NFIB: variants seen among roughly 807,000 people sequenced by gnomAD.
NFIB encodes the protein nuclear factor 1 B-type.
NFIB carries 11 observed loss-of-function variants against 61.5 expected under a neutral mutation model. That is an observed-to-expected ratio of 0.18 (90% CI 0.11 to 0.30). The LOEUF (loss-of-function observed/expected upper bound fraction) is 0.30, where lower values mean the gene tolerates loss of function less well. Ranked by LOEUF, NFIB falls within the 10% of genes least tolerant of loss-of-function variation. The pLI, the probability that NFIB is intolerant of heterozygous loss-of-function variation, is 1.00. For missense variants in NFIB, 471 were observed against 608.9 expected, an observed-to-expected ratio of 0.77 and a Z score of 2.38; for synonymous variants, 260 against 216.5, an observed-to-expected ratio of 1.20 and a Z score of -1.76.
At chr9:14,452,297 C>G in the NFIB span, among the ~76,000 whole-genome samples, 1 of 150,540 alleles carries the variant, frequency 6.6e-6, no homozygotes, top group Non-Finnish European at 1.5e-5. Context: ...TTCATTGTAT[C>G]CATGATATTT....
the NFIB span, among the ~76,000 whole-genome samples, chr9:14,492,338 G>A: frequency 1.3e-5 from 2 of 151,700 alleles, no homozygotes; most frequent in African/African-American, 4.8e-5. Flanking sequence ...ACTCCAGCCT[G>A]GGTGACAGAG....
At chr9:14,210,779 A>C (rs1386761781) in intron 2 of NFIB, among the ~76,000 whole-genome samples, 1 of 152,178 alleles carries the variant, frequency 6.6e-6, no homozygotes, top group African/African-American at 2.4e-5. Flanking sequence ...AAAAAACAGA[A>C]AGAAAATTTT....
At chr9:14,160,170 G>A (rs993564225) in intron 3 of NFIB, among the ~76,000 whole-genome samples, 3 of 152,256 alleles carry the variant, frequency 2.0e-5, no homozygotes, top group Non-Finnish European at 4.4e-5. Context: ...AAACTGAAAA[G>A]TCTCAAAGGC....
At chr9:14,237,813 TGTA>T (rs2053918178) in intron 2 of NFIB, among the ~76,000 whole-genome samples, 1 of 82,422 alleles carries the variant, frequency 1.2e-5, no homozygotes, top group Non-Finnish European at 2.9e-5. Flanking sequence ...TGTGTGTGTG[TGTA>T]AGCTCCTCAC....
the NFIB span, among the ~76,000 whole-genome samples, chr9:14,429,197 A>T: frequency 6.6e-6 from 1 of 152,232 alleles, no homozygotes; most frequent in Non-Finnish European, 1.5e-5. Context: ...AAGTCCGTAC[A>T]AAGAACATAG....
chr9:14,240,389 AT>A (rs2054231577), intron 2 of NFIB, among the ~76,000 whole-genome samples: 1 of 152,152 alleles, frequency 6.6e-6, no homozygotes, highest in Admixed American at 6.6e-5. Context: ...TTTGAAGCAT[AT>A]GGCTGGGGAG....
At chr9:14,166,949 G>A (rs2044870272) in intron 3 of NFIB, among the ~76,000 whole-genome samples, 1 of 151,952 alleles carries the variant, frequency 6.6e-6, no homozygotes, top group African/African-American at 2.4e-5. Flanking sequence ...TAAGTCTTCT[G>A]GGTAAACATT....
At chr9:14,323,765 C>T (rs2060715491) in intron 1 of NFIB, among the ~76,000 whole-genome samples, 1 of 152,168 alleles carries the variant, frequency 6.6e-6, no homozygotes, top group Admixed American at 6.5e-5. Flanking sequence ...TGTTCGGGTT[C>T]ATACCTCCTA....
the NFIB span, among the ~76,000 whole-genome samples, chr9:14,407,770 T>C: frequency 6.6e-6 from 1 of 152,118 alleles, no homozygotes; most frequent in Non-Finnish European, 1.5e-5. Flanking sequence ...CACTGTAACT[T>C]AAACTCCTGG....
intron 2 of NFIB, among the ~76,000 whole-genome samples, chr9:14,269,869 T>C (rs927246004): frequency 3.3e-5 from 5 of 152,196 alleles, no homozygotes; most frequent in Admixed American, 6.5e-5. Context: ...TCAGAACTCA[T>C]AATTTTTACT....
the NFIB span, among the ~76,000 whole-genome samples, chr9:14,439,627 G>A: frequency 6.6e-6 from 1 of 152,160 alleles, no homozygotes; most frequent in Admixed American, 6.5e-5. Flanking sequence ...AGGAGAGCTG[G>A]CACATGCTGA....
chr9:14,389,956 G>A (rs574948294), intron 1 of NFIB, among the ~76,000 whole-genome samples: 75 of 152,228 alleles, frequency 4.9e-4, no homozygotes, highest in Non-Finnish European at 8.8e-4. Context: ...CTCAAAACAC[G>A]GAAAAATCGC....
chr9:14,451,778 G>A, the NFIB span, among the ~76,000 whole-genome samples: 4 of 152,106 alleles, frequency 2.6e-5, no homozygotes, highest in Admixed American at 6.6e-5. Context: ...AAGGCAGCTT[G>A]AGTTTCCCAC....
At chr9:14,244,609 G>C (rs1294721063) in intron 2 of NFIB, among the ~76,000 whole-genome samples, 1 of 152,080 alleles carries the variant, frequency 6.6e-6, no homozygotes, top group Non-Finnish European at 1.5e-5. Context: ...GCATATCAAA[G>C]TTCACAAACC....
intron 2 of NFIB, among the ~76,000 whole-genome samples, chr9:14,260,237 GA>G (rs1218480188): frequency 2.0e-5 from 3 of 152,154 alleles, no homozygotes; most frequent in Non-Finnish European, 4.4e-5. Flanking sequence ...GGAGTTCTGA[GA>G]CAGCCTCTGG....
chr9:14,500,937 A>T, the NFIB span, among the ~76,000 whole-genome samples: 1 of 152,212 alleles, frequency 6.6e-6, no homozygotes, highest in Non-Finnish European at 1.5e-5. Context: ...TCTCAAAAGA[A>T]GCGAGAAATT....
At chr9:14,273,146 G>T (rs1443439625) in intron 2 of NFIB, among the ~76,000 whole-genome samples, 2 of 152,144 alleles carry the variant, frequency 1.3e-5, no homozygotes, top group African/African-American at 4.8e-5. Context: ...GGGAAAACAT[G>T]TTCCCAGTTT....
chr9:14,254,344 A>G (rs1218605807), intron 2 of NFIB, among the ~76,000 whole-genome samples: 3 of 152,030 alleles, frequency 2.0e-5, no homozygotes, highest in African/African-American at 7.2e-5. Context: ...GCATTTCTCC[A>G]TAAGATGCTC....
chr9:14,439,941 C>T, the NFIB span, among the ~76,000 whole-genome samples: 1 of 152,142 alleles, frequency 6.6e-6, no homozygotes, highest in Non-Finnish European at 1.5e-5. Context: ...GCTAAGTAGG[C>T]AGGGCAGGAG....
Sources: allele counts gnomAD v4.1 joint callset (sites outside exome capture counted in the v4.1 genomes callset), GRCh38; gene constraint gnomAD v4.1.1; transcripts MANE v1.5; gene names NCBI Gene and HGNC (gene_info 2026-07-23, HGNC 2026-07-21).